The following SIRT7 variants were observed in gnomAD, a reference collection of about 807,000 sequenced individuals.
SIRT7 encodes NAD-dependent protein deacetylase sirtuin-7.
Under a neutral mutation model 42.8 loss-of-function variants are expected in SIRT7, and 32 were observed. That is an observed-to-expected ratio of 0.75 (90% confidence interval 0.56 to 1.00). SIRT7 has a LOEUF of 1.00. Ranked by LOEUF, SIRT7 falls within the 50% of genes least tolerant of loss-of-function variation. SIRT7 has a pLI of 0.00. For missense variants in SIRT7, 553 were observed against 572.2 expected, an observed-to-expected ratio of 0.97 and a Z score of 0.34; for synonymous variants, 297 against 245.2, an observed-to-expected ratio of 1.21 and a Z score of -1.97.
chr17:81,918,136 C>G lies in SIRT7; in HGVS notation c.-5G>C. On this transcript the variant is annotated 5_prime_UTR_variant, in exon 1 of 10. Coordinates refer to ENST00000328666, the MANE Select transcript of SIRT7 (RefSeq NM_016538.3). ...GCTCAGACCCCCGGCTGCCATCGCT[C>G]CCCTGGAGACCTGCTCTTCCGCTTC... The G allele has an allele frequency of 6.5e-7, 1 of 1,544,376 alleles. No individual in the cohort carries two copies. The highest frequency in any genetic ancestry group is 8.6e-7 in the Non-Finnish European group (1 of 1,156,184).
chr17:81,914,356 C>T lies in SIRT7; in HGVS notation c.754G>A (p.Glu252Lys). The T allele has an allele frequency of 6.2e-7, 1 of 1,613,038 alleles. No individual in the cohort carries two copies. Among genetic ancestry groups the T allele is most frequent in the Non-Finnish European group, 8.5e-7 (1 of 1,180,006 alleles). The change falls in exon 7 of 10, where the codon GAA (glutamate) becomes AAA (lysine). Residue 252 changes from glutamate (E) to lysine (K), a missense_variant. By Grantham distance (56) the Glu-to-Lys change is moderately conservative. Coordinates refer to ENST00000328666, the MANE Select transcript of SIRT7 (RefSeq NM_016538.3). ...RGTLGQPLNW[E>K]AATEAASRAD... ...CTGCTGGCAGCCTCGGTCGCCGCTTCCCAGTTCAAAGGCTGCCCCAACGTC... is the reference window on the plus strand; with the variant it reads ...CTGCTGGCAGCCTCGGTCGCCGCTTTCCAGTTCAAAGGCTGCCCCAACGTC...
In SIRT7 at chr17:81,913,788, G is replaced by A. The variant is rs200973943; in HGVS notation, c.990C>T (p.Ile330=). The A allele has an allele frequency of 1.9e-4, 295 of 1,548,780 alleles. 1 individual carries two copies. The highest frequency in any genetic ancestry group is 2.0e-4 in the East Asian group (8 of 40,932). ...RLLMAELGLE[I]PAYSRWQDPI... The stretch of plus-strand genomic sequence containing the variant: ...GGCTCACTCACCTGCTATAGGCGGG[G>A]ATCTCCAAGCCCAGCTCGGCCATGA... The change falls in exon 9 of 10, where the codon ATC becomes ATT. Residue 330 remains isoleucine (I), a synonymous_variant. Coordinates refer to ENST00000328666, the MANE Select transcript of SIRT7 (RefSeq NM_016538.3). This position sits in a 1 kb window ranked among gnomAD's most constrained non-coding sequence, Gnocchi z 5.0.
chr17:81,914,168 C>T lies in SIRT7; in HGVS notation c.817-1G>A. 6.2e-7 allele frequency: 1 copy of T among 1,613,626 alleles called. No individual in the cohort carries two copies. Among genetic ancestry groups the T allele is most frequent in the Non-Finnish European group, 8.5e-7 (1 of 1,180,008 alleles). ...AGAGGCGTGGGTACTTCTTTAGAAC[C>T]TGTGGAAGCAGACAGACAGACACCG... On this transcript the variant is annotated splice_acceptor_variant, in intron 7 of 9. Coordinates refer to ENST00000328666, the MANE Select transcript of SIRT7 (RefSeq NM_016538.3). LOFTEE classifies it high-confidence loss of function.
At position 81,914,270 on chromosome 17, in the gene SIRT7, A is replaced by G. The variant is rs201939288; in HGVS notation, c.816+24T>C. The G allele has an allele frequency of 4.0e-4, 645 of 1,612,046 alleles. 3 individuals carry two copies. In the African/African-American group the frequency reaches 7.7e-3, roughly 19 times the overall value. ...CCTCGGGCGGGCAGGGGCTCGGTTC[A>G]CTCATTGTGTCATCGGCACGTACCT... is the stretch of plus-strand genomic sequence containing the variant. On this transcript the variant is annotated intron_variant, in intron 7 of 9. Transcript: ENST00000328666.
rs376434376 is a variant in SIRT7, at chr17:81,915,605, G to A, written c.407+6C>T. 31 of 1,613,728 alleles carry A rather than the reference G, an allele frequency of 1.9e-5. No individual in the cohort carries two copies. In the African/African-American group the frequency reaches 3.7e-4, roughly 19 times the overall value. The stretch of plus-strand genomic sequence containing the variant: ...CTATGTGGGAGGCCATGCCTGGCCC[G>A]CTTACCTAACGCTTCTCCCTTTCTG... On this transcript the variant is annotated splice_donor_region_variant and intron_variant, in intron 4 of 9. Coordinates refer to ENST00000328666, the MANE Select transcript of SIRT7 (RefSeq NM_016538.3).
chr17:81,916,086 G>A (rs1208008355), intron 3 of SIRT7: 1 of 252,284 alleles, frequency 4.0e-6, no homozygotes, highest in Non-Finnish European at 8.1e-6. Context: ...ATCCCTAGGT[G>A]GGTCCAGGCG....
chr17:81,914,771 C>T, intron 5 of SIRT7, 69 bp from the exon 6 acceptor site: 1 of 1,305,824 alleles, frequency 7.7e-7, no homozygotes, highest in Non-Finnish European at 1.1e-6. Flanking sequence ...AGTACCCGGC[C>T]ACAGCGAGGC....
rs149941930 is a variant in SIRT7, at chr17:81,913,635, GACC to G, written c.1004+136_1004+138del. The G allele has an allele frequency of 3.4e-3, 2,478 of 735,670 alleles. 37 individuals carry two copies. In the African/African-American group the frequency reaches 0.039, roughly 12 times the overall value. 45.6% of individuals were successfully genotyped at this position (735,670 alleles called of 1,614,324 possible). On this transcript the variant is annotated intron_variant, in intron 9 of 9. Transcript: ENST00000328666. This position sits in a 1 kb window ranked among gnomAD's most constrained non-coding sequence, Gnocchi z 5.0. ...AACCACCGAGGTCAGGCCCTCTGGA[GACC>G]ACCACGCTTCAGTCATGCCTCAGGC...
In SIRT7 at chr17:81,912,318, C is replaced by G; in HGVS notation, c.*98G>C. 6.9e-7 allele frequency: 1 copy of G among 1,445,420 alleles called. No individual in the cohort carries two copies. The highest frequency in any genetic ancestry group is 1.1e-5 in the South Asian group (1 of 86,962). 89.5% of individuals were successfully genotyped at this position (1,445,420 alleles called of 1,614,324 possible). A position where few individuals can be genotyped will look rare whatever the true frequency, so the allele number is the denominator to read the frequency against. On this transcript the variant is annotated 3_prime_UTR_variant, in exon 10 of 10. Transcript: ENST00000328666. ...AATGTCACGGTGAAAATGTCATCCCCAAAGAGTTCGTTCTCCCTAGACCCG... is the reference window on the plus strand; with the variant it reads ...AATGTCACGGTGAAAATGTCATCCCGAAAGAGTTCGTTCTCCCTAGACCCG...
chr17:81,914,748 T>C, intron 5 of SIRT7, 46 bp from the exon 6 acceptor site: 2 of 1,521,042 alleles, frequency 1.3e-6, no homozygotes, highest in South Asian at 2.2e-5. Context: ...CTGCCAGTGG[T>C]GGTGGGGAGG....
In SIRT7 at chr17:81,917,734, G is replaced by A. The variant is rs776091169; in HGVS notation, c.232-15C>T. The A allele has an allele frequency of 1.3e-6, 2 of 1,555,152 alleles. No homozygotes were observed. The highest frequency in any genetic ancestry group is 1.7e-6 in the Non-Finnish European group (2 of 1,152,970). On this transcript the variant is annotated splice_polypyrimidine_tract_variant and intron_variant, in intron 2 of 9. Coordinates refer to ENST00000328666, the MANE Select transcript of SIRT7 (RefSeq NM_016538.3). ...TCGTCGCACACCTGCCAAGACGCCA[G>A]GGTGGTCACCGCCCCGGGCCGCCCC...
intron 8 of SIRT7, 59 bp downstream of exon 8, chr17:81,914,028 C>G (rs919594792): frequency 1.7e-5 from 28 of 1,601,574 alleles, no homozygotes; most frequent in Non-Finnish European, 2.1e-5. Flanking sequence ...TGTGGGGTGT[C>G]TCTGGCTGTG....
At chr17:81,916,326 C>T (rs2040796652) in intron 3 of SIRT7, 1 of 152,552 alleles carries the variant, frequency 6.6e-6, no homozygotes, top group Non-Finnish European at 1.5e-5. Context: ...CCCCCCCGGA[C>T]AGTAGTTCCG....
chr17:81,913,829 C>A lies in SIRT7; in HGVS notation c.949G>T (p.Asp317Tyr). The change falls in exon 9 of 10, where the codon GAC becomes TAC. Residue 317 changes from aspartate (D) to tyrosine (Y), a missense_variant. Coordinates refer to ENST00000328666, the MANE Select transcript of SIRT7 (RefSeq NM_016538.3). The surrounding 1 kb of genome is among the most constrained non-coding windows in gnomAD (Gnocchi z 5.0). Reference sequence around the variant, plus strand: ...TCGGCCATGAGGAGCCGCATGACGTCATCACACTTCCCATGTAGCTTCAGG... The same window carrying A: ...TCGGCCATGAGGAGCCGCATGACGTAATCACACTTCCCATGTAGCTTCAGG... Reference protein sequence around the residue: ...AALKLHGKCDDVMRLLMAELG... With the variant: ...AALKLHGKCDYVMRLLMAELG... 1 of 1,550,480 alleles carries A rather than the reference C, an allele frequency of 6.4e-7. No individual in the cohort carries two copies. The highest frequency in any genetic ancestry group is 1.2e-5 in the South Asian group (1 of 84,094).
At position 81,918,042 on chromosome 17, in the gene SIRT7, G is replaced by A. The variant is rs2143798467; in HGVS notation, c.90C>T (p.Arg30=). The A allele has an allele frequency of 4.0e-6, 6 of 1,501,344 alleles. No homozygotes were observed. The highest frequency in any genetic ancestry group is 2.9e-5 in the African/African-American group (2 of 69,552). The allele number at this position is 1,501,344 out of a possible 1,614,324, so 93.0% of individuals were successfully genotyped here. Residue 30 remains arginine (R), a synonymous_variant, in exon 1 of 10, where the codon CGC becomes CGT. Coordinates refer to ENST00000328666, the MANE Select transcript of SIRT7 (RefSeq NM_016538.3). The stretch of plus-strand genomic sequence containing the variant: ...CCGGGGAGCGGCGGCGGCGTACCTG[G>A]CGGAGGCGCTCCCTCTGCTGCTCCT... ...LREEQQRERL[R]QVSRILRKAA... is the part of the protein sequence containing the mutation.
intron 7 of SIRT7, 50 bp from the exon 8 acceptor site, chr17:81,914,217 T>C (rs2040747669): frequency 6.2e-7 from 1 of 1,613,114 alleles, no homozygotes; most frequent in Non-Finnish European, 8.5e-7. Flanking sequence ...GACAAGTCTG[T>C]ACAGTGCTGG....
intron 8 of SIRT7, 72 bp downstream of exon 8, chr17:81,914,015 G>C: frequency 6.3e-7 from 1 of 1,586,214 alleles, no homozygotes; most frequent in African/African-American, 1.3e-5. Context: ...CCTGGTGCAT[G>C]GGTGTGGGGT....
In SIRT7 at chr17:81,917,979, C is replaced by T; in HGVS notation, c.94-12G>A. The T allele has an allele frequency of 1.5e-6, 2 of 1,336,182 alleles. No homozygotes were observed. The highest frequency in any genetic ancestry group is 4.0e-5 in the South Asian group (2 of 49,630). The allele number at this position is 1,336,182 out of a possible 1,614,324, so 82.8% of individuals were successfully genotyped here. ...AGGATGCGCGACACCTGCGGGCAGGCGGACGGTGAGCGGCGGCGCGGGCCG... is the reference window on the plus strand; with the variant it reads ...AGGATGCGCGACACCTGCGGGCAGGTGGACGGTGAGCGGCGGCGCGGGCCG... On this transcript the variant is annotated splice_polypyrimidine_tract_variant and intron_variant, in intron 1 of 9. Coordinates refer to ENST00000328666, the MANE Select transcript of SIRT7 (RefSeq NM_016538.3).
At chr17:81,916,084 G>A (rs368358987) in intron 3 of SIRT7, 7 of 267,194 alleles carry the variant, frequency 2.6e-5, no homozygotes, top group Admixed American at 8.9e-5. Flanking sequence ...GAATCCCTAG[G>A]TGGGTCCAGG....
Sources: gnomAD v4.1 joint callset for allele counts on GRCh38, gnomAD v4.1.1 for gene constraint, Gnocchi (gnomAD v3.1) non-coding constraint, MANE v1.5 for transcripts, NCBI Gene and HGNC (gene_info 2026-07-23, HGNC 2026-07-21) for gene names.